EDNRB: variants seen among roughly 807,000 people sequenced by gnomAD.
The protein encoded by EDNRB is Hirschsprung disease 2.
Under a neutral mutation model 46.4 loss-of-function variants are expected in EDNRB, and 18 were observed. The ratio of observed to expected loss-of-function variants is 0.39; its 90% confidence interval spans 0.27 to 0.57. The LOEUF is 0.57. Among genes scored for constraint, EDNRB ranks in the 20% least tolerant of loss-of-function variants. EDNRB has a pLI of 0.61. For synonymous variants in EDNRB, 213 were observed against 204.9 expected (o/e 1.04, Z -0.34); for missense variants, 434 against 537.5 (o/e 0.81, Z 1.90).
chr13:77,959,922 G>C (rs1053984725), intron 1 of EDNRB, among the ~76,000 whole-genome samples: 8 of 152,186 alleles, frequency 5.3e-5, no homozygotes, highest in African/African-American at 1.9e-4. Flanking sequence ...TCCATCAACT[G>C]GAAGAAAGGG....
At chr13:77,919,391 G>A (rs1267718188), upstream of EDNRB, 2 of 1,608,164 alleles carry the variant, frequency 1.2e-6, no homozygotes, top group Non-Finnish European at 1.7e-6. Context: ...AAGCCCGAAT[G>A]TTTACCTCTC....
upstream of EDNRB, among the ~76,000 whole-genome samples, chr13:77,921,245 T>C (rs139563740): frequency 5.1e-3 from 780 of 152,250 alleles, 9 homozygotes; most frequent in African/African-American, 0.018. Flanking sequence ...TTGATAATGA[T>C]ATTTTAAAGT....
chr13:77,901,279 TA>T lies in EDNRB; in HGVS notation c.802-73del, dbSNP rs12720194. The T allele has an allele frequency of 3.6e-5, 54 of 1,514,692 alleles. No homozygotes were observed. The African/African-American group carries it at 6.7e-4, about 19-fold the overall frequency. The allele number at this position is 1,514,692 out of a possible 1,614,324, so 93.8% of individuals were successfully genotyped here. On this transcript the variant is annotated intron_variant, in intron 3 of 6. Transcript: ENST00000646607. ...AATCTTATATAACAAATGTTAAACT[TA>T]AAAAAATTCATCAGGGAATGATTAT...
Position 77,902,901 on chromosome 13 carries a change from A to G in EDNRB, c.801+255T>C, listed in dbSNP as rs186847117. ...GCTTTAGGTAGAAAGCTATAAATTCACATCAATTCTTTCATGTGGACCTGG... is the reference window on the plus strand; with the variant it reads ...GCTTTAGGTAGAAAGCTATAAATTCGCATCAATTCTTTCATGTGGACCTGG... On this transcript the variant is annotated intron_variant, in intron 3 of 6. Transcript: ENST00000646607. 9.2e-5 allele frequency among the ~76,000 whole-genome samples: 14 copies of G among 152,072 alleles called. No homozygotes were observed. The East Asian group carries it at 2.7e-3, about 30-fold the overall frequency.
intron 1 of EDNRB, among the ~76,000 whole-genome samples, chr13:77,904,071 T>A (rs1471715333): frequency 2.6e-5 from 4 of 152,006 alleles, no homozygotes; most frequent in African/African-American, 9.7e-5. Context: ...CAGGCACTTG[T>A]TCTTCATTGC....
At chr13:77,903,472 T>C in intron 2 of EDNRB, 23 bp downstream of exon 2, 1 of 1,611,290 alleles carries the variant, frequency 6.2e-7, no homozygotes, top group Non-Finnish European at 8.5e-7. Flanking sequence ...CAGAATATAC[T>C]TGGATTAAAT....
At chr13:77,902,019 C>A (rs1045319249) in intron 3 of EDNRB, among the ~76,000 whole-genome samples, 2 of 151,882 alleles carry the variant, frequency 1.3e-5, no homozygotes, top group East Asian at 3.9e-4. Flanking sequence ...TGGGAAGAGC[C>A]TTTTACACTC....
chr13:77,936,779 T>G (rs1191793792), intron 1 of EDNRB, among the ~76,000 whole-genome samples: 1 of 152,188 alleles, frequency 6.6e-6, no homozygotes. Context: ...TTCTGGCACT[T>G]GAAGCAAGAT....
intron 1 of EDNRB, among the ~76,000 whole-genome samples, chr13:77,975,117 C>T (rs1881848848): frequency 6.6e-6 from 1 of 152,114 alleles, no homozygotes; most frequent in Non-Finnish European, 1.5e-5. Flanking sequence ...TCAAGCAATC[C>T]AAGTCAAATC....
intron 1 of EDNRB, among the ~76,000 whole-genome samples, chr13:77,974,595 GT>G (rs2137699529): frequency 8.1e-6 from 1 of 123,198 alleles, no homozygotes; most frequent in Non-Finnish European, 1.7e-5. Context: ...TCTCTTCTCT[GT>G]CTCTCTCTCT....
intron 1 of EDNRB, among the ~76,000 whole-genome samples, chr13:77,938,628 G>A (rs1425403316): frequency 6.6e-6 from 1 of 152,172 alleles, no homozygotes; most frequent in Non-Finnish European, 1.5e-5. Context: ...AAACACCAAG[G>A]GAAGGCTGCC....
chr13:77,969,763 C>G (rs572299219), intron 1 of EDNRB, among the ~76,000 whole-genome samples: 1 of 152,276 alleles, frequency 6.6e-6, no homozygotes, highest in South Asian at 2.1e-4. Flanking sequence ...CTTGACTCTC[C>G]TTTAAACTAG....
At chr13:77,913,295 T>G (rs1879664401) in intron 1 of EDNRB, among the ~76,000 whole-genome samples, 1 of 152,142 alleles carries the variant, frequency 6.6e-6, no homozygotes, top group Non-Finnish European at 1.5e-5. Flanking sequence ...ACGTTAAAGA[T>G]CAGCAGTTTT....
intron 1 of EDNRB, among the ~76,000 whole-genome samples, chr13:77,934,518 C>G (rs1880498935): frequency 6.6e-6 from 1 of 152,028 alleles, no homozygotes; most frequent in Non-Finnish European, 1.5e-5. Flanking sequence ...GAAGAAATGA[C>G]CACGGTGACC....
At chr13:77,925,115 C>T (rs2137648277) in intron 1 of EDNRB, among the ~76,000 whole-genome samples, 1 of 152,338 alleles carries the variant, frequency 6.6e-6, no homozygotes, top group South Asian at 2.1e-4. Flanking sequence ...AATTTGACTA[C>T]TTTAGAAATC....
In EDNRB at chr13:77,897,708, T is replaced by A; in HGVS notation, c.*492A>T. On this transcript the variant is annotated 3_prime_UTR_variant, in exon 7 of 7. Transcript: ENST00000646607. ...CTCTCTCATTTGCATCTAATTACAA[T>A]CTGATAATAGTGTGATAATATTAAT... The A allele has an allele frequency of 1.0e-6, 1 of 985,216 alleles. No individual in the cohort carries two copies. The highest frequency in any genetic ancestry group is 4.7e-5 in the South Asian group (1 of 21,464). The allele number at this position is 985,216 out of a possible 1,614,324, so 61.0% of individuals were successfully genotyped here.
chr13:77,946,988 A>G (rs191992390), intron 1 of EDNRB, among the ~76,000 whole-genome samples: 1 of 152,208 alleles, frequency 6.6e-6, no homozygotes, highest in African/African-American at 2.4e-5. Context: ...TACAGGATTA[A>G]GAATGAAATC....
chr13:77,913,776 C>T (rs968568229), intron 1 of EDNRB, among the ~76,000 whole-genome samples: 3 of 152,136 alleles, frequency 2.0e-5, no homozygotes, highest in South Asian at 2.1e-4. Context: ...CAAGTATACC[C>T]GGCTGTCTTG....
chr13:77,918,012 C>CT lies in EDNRB; in HGVS notation c.483+78dup. The CT allele has an allele frequency of 6.2e-7, 1 of 1,609,244 alleles. No homozygotes were observed. On this transcript the variant is annotated intron_variant, in intron 1 of 6. Coordinates refer to ENST00000646607, the MANE Select transcript of EDNRB (RefSeq NM_001122659.3). This position sits in a 1 kb window ranked among gnomAD's most constrained non-coding sequence, Gnocchi z 4.5. ...AGAGGGAGCTAAAGGGAAGCTCCCT[C>CT]TACAAGCTTTCTCATCTCCCCGTCT...
Sources: gnomAD v4.1 joint callset for allele counts (sites outside exome capture counted in the v4.1 genomes callset) on GRCh38, gnomAD v4.1.1 for gene constraint, Gnocchi (gnomAD v3.1) non-coding constraint, MANE v1.5 for transcripts, NCBI Gene and HGNC (gene_info 2026-07-23, HGNC 2026-07-21) for gene names.